Variants in SCIMP observed in about 807,000 individuals in gnomAD.
SCIMP encodes SLP adaptor and CSK interacting membrane protein.
SCIMP carries 18 observed loss-of-function variants against 22.0 expected under a neutral mutation model. That is an observed-to-expected ratio of 0.82 (90% confidence interval 0.56 to 1.21). The LOEUF is 1.21. SCIMP is among the 50% of genes most tolerant of loss of function. The pLI is 0.00. For missense variants in SCIMP, 155 were observed against 171.2 expected, an observed-to-expected ratio of 0.91 and a Z score of 0.53; for synonymous variants, 53 against 62.2, an observed-to-expected ratio of 0.85 and a Z score of 0.70.
chr17:5,227,761 G>A (rs1480779236), intron 1 of SCIMP, among the ~76,000 whole-genome samples: 2 of 152,176 alleles, frequency 1.3e-5, no homozygotes, highest in Non-Finnish European at 2.9e-5. Context: ...TTCCCATGGC[G>A]CTTTCTTCAC....
At chr17:5,232,991 C>CGT (rs1567845441) in intron 1 of SCIMP, among the ~76,000 whole-genome samples, 3 of 152,082 alleles carry the variant, frequency 2.0e-5, no homozygotes, top group African/African-American at 7.2e-5. Flanking sequence ...GGATTACAGG[C>CGT]GTGAGCCACT....
At chr17:5,231,906 A>G (rs536345469) in intron 1 of SCIMP, among the ~76,000 whole-genome samples, 1 of 152,254 alleles carries the variant, frequency 6.6e-6, no homozygotes, top group East Asian at 1.9e-4. Context: ...AATACAAAAA[A>G]TTAGCCAGGC....
intron 4 of SCIMP, 125 bp downstream of exon 4, chr17:5,214,800 A>G (rs1780691080): frequency 5.0e-6 from 3 of 604,972 alleles, no homozygotes; most frequent in Non-Finnish European, 8.7e-6. Context: ...AGATCGTGCC[A>G]TTGCACTCCA....
chr17:5,222,706 C>T (rs912227875), intron 2 of SCIMP, among the ~76,000 whole-genome samples: 1 of 152,016 alleles, frequency 6.6e-6, no homozygotes, highest in Non-Finnish European at 1.5e-5. Context: ...CTCTTGTCAT[C>T]CAGGCTGGAG....
At chr17:5,231,130 T>C (rs747518053) in intron 1 of SCIMP, among the ~76,000 whole-genome samples, 24 of 151,852 alleles carry the variant, frequency 1.6e-4, no homozygotes, top group Non-Finnish European at 2.6e-4. Flanking sequence ...GAGGCCAAGG[T>C]AGGCAGATCA....
intron 4 of SCIMP, among the ~76,000 whole-genome samples, chr17:5,212,259 C>G (rs1252023826): frequency 1.3e-5 from 2 of 152,178 alleles, no homozygotes; most frequent in Non-Finnish European, 2.9e-5. Context: ...TGTTCACGTT[C>G]CAGCAGTCAT....
intron 4 of SCIMP, among the ~76,000 whole-genome samples, chr17:5,211,348 C>T (rs1226747160): frequency 6.6e-6 from 1 of 151,990 alleles, no homozygotes; most frequent in Non-Finnish European, 1.5e-5. Context: ...ACAGGGAGAC[C>T]CTCGTCCCTA....
At chr17:5,229,761 G>A (rs922297293) in intron 1 of SCIMP, among the ~76,000 whole-genome samples, 2 of 151,830 alleles carry the variant, frequency 1.3e-5, no homozygotes, top group South Asian at 2.1e-4. Context: ...AGTTATTCAC[G>A]TATTCACATA....
intron 2 of SCIMP, among the ~76,000 whole-genome samples, chr17:5,222,128 C>T (rs548399022): frequency 5.5e-5 from 8 of 145,024 alleles, no homozygotes; most frequent in African/African-American, 1.8e-4. Context: ...CTCACACTGT[C>T]GCCCAGACTG....
At chr17:5,231,872 A>AGG (rs2074698002) in intron 1 of SCIMP, among the ~76,000 whole-genome samples, 1 of 152,112 alleles carries the variant, frequency 6.6e-6, no homozygotes, top group African/African-American at 2.4e-5. Flanking sequence ...GGCTAACACA[A>AGG]TGAAACCCTG....
intron 1 of SCIMP, among the ~76,000 whole-genome samples, chr17:5,228,077 C>G (rs923773527): frequency 2.0e-5 from 3 of 152,074 alleles, no homozygotes; most frequent in Non-Finnish European, 4.4e-5. Flanking sequence ...GAGGCTGAGG[C>G]AGGAGAATTG....
At position 5,209,838 on chromosome 17, in the gene SCIMP, A is replaced by G. The variant is rs978758426; in HGVS notation, c.*963T>C. On this transcript the variant is annotated 3_prime_UTR_variant, in exon 5 of 5. Coordinates refer to ENST00000574081, the MANE Select transcript of SCIMP (RefSeq NM_207103.3). ...CAGTGGACCTTCTGCCTCCTCCCAG[A>G]TGCCCAGGGACAGTGATCTGGAAGG... 6.6e-6 allele frequency: 1 copy of G among 152,188 alleles called. No individual in the cohort carries two copies. The highest frequency in any genetic ancestry group is 2.4e-5 in the African/African-American group (1 of 41,428). The allele number at this position is 152,188 out of a possible 1,614,324, so 9.4% of individuals were successfully genotyped here.
chr17:5,232,741 T>C (rs974406126), intron 1 of SCIMP, among the ~76,000 whole-genome samples: 17 of 151,746 alleles, frequency 1.1e-4, no homozygotes, highest in Non-Finnish European at 2.2e-4. Context: ...GATGGCGTCT[T>C]GCTCTGTCAC....
intron 3 of SCIMP, among the ~76,000 whole-genome samples, chr17:5,219,871 G>A (rs955482168): frequency 2.6e-5 from 4 of 152,188 alleles, no homozygotes; most frequent in African/African-American, 7.2e-5. Context: ...AGTGCTTCGC[G>A]TCTGTTGCCA....
At chr17:5,221,217 G>A in intron 3 of SCIMP, 70 bp downstream of exon 3, 1 of 1,122,624 alleles carries the variant, frequency 8.9e-7, no homozygotes, top group East Asian at 2.3e-5. Context: ...GTACGGTAGT[G>A]GAGGGGCAAG....
chr17:5,217,620 T>A (rs984503361), intron 3 of SCIMP, among the ~76,000 whole-genome samples: 1 of 138,572 alleles, frequency 7.2e-6, no homozygotes, highest in African/African-American at 2.7e-5. Context: ...TGTCCATGTG[T>A]TCTCATTGTT....
At position 5,234,659 on chromosome 17, in the gene SCIMP, G is replaced by A. The variant is rs540774583; in HGVS notation, c.21+76C>T. The A allele has an allele frequency of 7.7e-5, 115 of 1,496,812 alleles. No individual in the cohort carries two copies. The East Asian group carries it at 8.0e-4, about 10-fold the overall frequency. 92.7% of individuals were successfully genotyped at this position (1,496,812 alleles called of 1,614,324 possible). A position where few individuals can be genotyped will look rare whatever the true frequency, so the allele number is the denominator to read the frequency against. On this transcript the variant is annotated intron_variant, in intron 1 of 4. Coordinates refer to ENST00000574081, the MANE Select transcript of SCIMP (RefSeq NM_207103.3). ...GCTGATCGGTGGCTCCCAGGGACAC[G>A]CCCTGATGCCAGCGCTGGCAGATGT...
intron 1 of SCIMP, among the ~76,000 whole-genome samples, chr17:5,225,702 C>T (rs975611757): frequency 4.0e-5 from 6 of 149,588 alleles, no homozygotes; most frequent in Non-Finnish European, 7.4e-5. Context: ...TCAGAGGTTG[C>T]GGTGAGCCGA....
At chr17:5,229,384 CTTTTTTTTTTTTTT>C (rs71151849) in intron 1 of SCIMP, among the ~76,000 whole-genome samples, 45 of 59,320 alleles carry the variant, frequency 7.6e-4, no homozygotes, top group East Asian at 1.7e-3. Flanking sequence ...GTTTATTTAG[CTTTTTTTTTTTTTT>C]TTTTTTTTTT....
Sources: allele counts gnomAD v4.1 joint callset (sites outside exome capture counted in the v4.1 genomes callset), GRCh38; gene constraint gnomAD v4.1.1; transcripts MANE v1.5; gene names NCBI Gene and HGNC (gene_info 2026-07-23, HGNC 2026-07-21).